The following MYRIP variants were observed in gnomAD, a reference collection of about 807,000 sequenced individuals.
MYRIP encodes myosin VIIA and Rab interacting protein, also known as rab effector MyRIP.
In MYRIP, 49 loss-of-function variants were observed where a neutral mutation model predicts 98.0. The observed-to-expected ratio is 0.50, with a 90% CI of 0.40 to 0.63. MYRIP has a LOEUF of 0.63. Among genes scored for constraint, MYRIP ranks in the 30% least tolerant of loss-of-function variants. The pLI, the probability that MYRIP is intolerant of heterozygous loss-of-function variation, is 0.00. For synonymous variants in MYRIP, 404 were observed against 409.5 expected (o/e 0.99, Z 0.16); for missense variants, 1,004 against 1,058.2 (o/e 0.95, Z 0.71).
At chr3:39,997,614 A>G (rs1946397414) in intron 2 of MYRIP, among the ~76,000 whole-genome samples, 1 of 152,204 alleles carries the variant, frequency 6.6e-6, no homozygotes, top group South Asian at 2.1e-4. Flanking sequence ...TACAAGGAGG[A>G]GCTAGTACCA....
intron 8 of MYRIP, chr3:40,173,401 G>A (rs1365397942): frequency 1.3e-5 from 2 of 152,160 alleles, no homozygotes; most frequent in African/African-American, 4.8e-5. Flanking sequence ...TCCTTGTCAT[G>A]CATATGGTTA....
chr3:39,888,017 G>T (rs372640724), intron 1 of MYRIP, among the ~76,000 whole-genome samples: 4 of 150,530 alleles, frequency 2.7e-5, no homozygotes, highest in African/African-American at 7.4e-5. Flanking sequence ...CACTGCTCAA[G>T]GAAATAAAAG....
chr3:39,880,050 A>AT (rs1490418664), intron 1 of MYRIP, among the ~76,000 whole-genome samples: 1 of 151,556 alleles, frequency 6.6e-6, no homozygotes, highest in Non-Finnish European at 1.5e-5. Context: ...TATTATTATT[A>AT]TTTTTTTAAT....
chr3:40,112,640 A>G (rs1350711310), intron 3 of MYRIP, among the ~76,000 whole-genome samples: 2 of 152,238 alleles, frequency 1.3e-5, no homozygotes, highest in African/African-American at 4.8e-5. Context: ...AAGAAGTCAT[A>G]GATGTCAGAG....
chr3:40,156,411 T>A (rs548530754), intron 4 of MYRIP, among the ~76,000 whole-genome samples: 2 of 152,354 alleles, frequency 1.3e-5, no homozygotes, highest in African/African-American at 4.8e-5. Context: ...TAGTATAGTT[T>A]GAAGTCAGGT....
In MYRIP at chr3:40,169,826, G is replaced by T. The variant is rs761359726; in HGVS notation, c.730-124G>T. ...TCATAGCGCAGATCTGAAACAGCCT[G>T]GTGTTCTGTTGAAATTAAGCTTATA... is the stretch of plus-strand genomic sequence containing the variant. On this transcript the variant is annotated intron_variant, in intron 7 of 16. Coordinates refer to ENST00000302541, the MANE Select transcript of MYRIP (RefSeq NM_015460.4). 4.8e-5 allele frequency: 52 copies of T among 1,076,024 alleles called. No homozygotes were observed. In the Middle Eastern group the frequency reaches 1.0e-3, roughly 21 times the overall value. The allele number at this position is 1,076,024 out of a possible 1,614,324, so 66.7% of individuals were successfully genotyped here.
In MYRIP at chr3:40,158,591, T is replaced by C. The variant is rs577920630; in HGVS notation, c.470-4139T>C. Among the ~76,000 whole-genome samples the C allele has an allele frequency of 2.1e-3, 323 of 152,308 alleles. 1 individual carries two copies. The highest frequency in any genetic ancestry group is 3.4e-3 in the Middle Eastern group (1 of 294). ...TCGTTGATCTGTCTAATGTTGACAG[T>C]GGGGTGTTAAAGTCTCCCATTATTA... On this transcript the variant is annotated intron_variant, in intron 4 of 16. Transcript: ENST00000302541.
chr3:39,837,497 A>G (rs925347128), intron 1 of MYRIP, among the ~76,000 whole-genome samples: 1 of 151,878 alleles, frequency 6.6e-6, no homozygotes, highest in Non-Finnish European at 1.5e-5. Flanking sequence ...GCTTGTTTTT[A>G]TCAGGTTTGT....
At chr3:39,847,342 C>T (rs944426262) in intron 1 of MYRIP, among the ~76,000 whole-genome samples, 1 of 152,064 alleles carries the variant, frequency 6.6e-6, no homozygotes, top group African/African-American at 2.4e-5. Context: ...TACTTAAATG[C>T]TATGCTATAA....
At chr3:40,214,534 G>C (rs1255485608) in intron 11 of MYRIP, among the ~76,000 whole-genome samples, 1 of 152,230 alleles carries the variant, frequency 6.6e-6, no homozygotes, top group African/African-American at 2.4e-5. Flanking sequence ...CCTTTGGCTG[G>C]ATGCTGGGGC....
intron 1 of MYRIP, among the ~76,000 whole-genome samples, chr3:39,812,161 G>C (rs1940717656): frequency 6.6e-6 from 1 of 152,152 alleles, no homozygotes; most frequent in South Asian, 2.1e-4. Flanking sequence ...CCCTGATTAA[G>C]ACCCAGAATA....
At chr3:39,964,215 T>C (rs758960974) in intron 2 of MYRIP, among the ~76,000 whole-genome samples, 16 of 152,168 alleles carry the variant, frequency 1.1e-4, no homozygotes, top group Non-Finnish European at 1.5e-4. Context: ...TTGGATTCTA[T>C]TTTGTTTCAA....
At chr3:40,160,901 C>G (rs1950377445) in intron 4 of MYRIP, among the ~76,000 whole-genome samples, 2 of 152,186 alleles carry the variant, frequency 1.3e-5, no homozygotes, top group African/African-American at 2.4e-5. Flanking sequence ...TGCCCACTGT[C>G]TGGCACTCCC....
chr3:40,017,309 C>G (rs553827621), intron 2 of MYRIP, among the ~76,000 whole-genome samples: 1 of 152,256 alleles, frequency 6.6e-6, no homozygotes, highest in East Asian at 1.9e-4. Flanking sequence ...CACTACAAAA[C>G]GATGAGTGTA....
At chr3:39,830,159 T>C (rs979115915) in intron 1 of MYRIP, among the ~76,000 whole-genome samples, 1 of 152,198 alleles carries the variant, frequency 6.6e-6, no homozygotes, top group African/African-American at 2.4e-5. Context: ...CTTTTCCAGC[T>C]ACTCTTTTGT....
At position 40,167,197 on chromosome 3, in the gene MYRIP, G is replaced by A. The variant is rs949924275; in HGVS notation, c.687G>A (p.Lys229=). ...AGGCCAGTTACCTGCGGGACCACAAGGAGGAGCTAACTGAGGAACTGGCCA... is the reference window on the plus strand; with the variant it reads ...AGGCCAGTTACCTGCGGGACCACAAAGAGGAGCTAACTGAGGAACTGGCCA... ...QNEASYLRDH[K]EELTEELATT... is the part of the protein sequence containing the mutation. The change falls in exon 7 of 17, where the codon AAG becomes AAA. Residue 229 remains lysine (K), a synonymous_variant. Coordinates refer to ENST00000302541, the MANE Select transcript of MYRIP (RefSeq NM_015460.4). 7.4e-6 allele frequency: 12 copies of A among 1,614,094 alleles called. No homozygotes were observed. The highest frequency in any genetic ancestry group is 1.7e-5 in the Admixed American group (1 of 60,012).
chr3:40,027,992 G>A (rs545597694), intron 2 of MYRIP, among the ~76,000 whole-genome samples: 32 of 152,164 alleles, frequency 2.1e-4, no homozygotes, highest in African/African-American at 7.0e-4. Context: ...AGAGGGCCAA[G>A]CTCACAGCTA....
At chr3:39,954,482 C>T (rs924021352) in intron 2 of MYRIP, among the ~76,000 whole-genome samples, 10 of 152,104 alleles carry the variant, frequency 6.6e-5, no homozygotes, top group African/African-American at 1.7e-4. Flanking sequence ...AACTAACAAA[C>T]GGAAAGGACA....
intron 2 of MYRIP, among the ~76,000 whole-genome samples, chr3:40,014,198 A>G (rs986477615): frequency 1.3e-5 from 2 of 152,244 alleles, no homozygotes; most frequent in Non-Finnish European, 2.9e-5. Flanking sequence ...AAACAAAATT[A>G]TGAGTGATTT....
Sources: allele counts gnomAD v4.1 joint callset (sites outside exome capture counted in the v4.1 genomes callset), GRCh38; gene constraint gnomAD v4.1.1; transcripts MANE v1.5; gene names NCBI Gene and HGNC (gene_info 2026-07-23, HGNC 2026-07-21).